ZNF544: variants seen among roughly 807,000 people sequenced by gnomAD.
The protein encoded by ZNF544 is zinc finger protein 544, also known as zinc finger protein AF020591.
In ZNF544, 10 loss-of-function variants were observed where a neutral mutation model predicts 13.5. The ratio of observed to expected loss-of-function variants is 0.74; its 90% CI spans 0.46 to 1.25. The LOEUF is 1.25. ZNF544 is among the 50% of genes most tolerant of loss of function. ZNF544 has a pLI of 0.00. For missense variants in ZNF544, 896 were observed against 845.6 expected (o/e 1.06, Z -0.74); for synonymous variants, 323 against 300.5 (o/e 1.07, Z -0.77).
intron 6 of ZNF544, chr19:58,257,521 C>G (rs936584693): frequency 6.6e-6 from 1 of 151,712 alleles, no homozygotes; most frequent in African/African-American, 2.4e-5. Context: ...AGATGTCTGA[C>G]TGGTTGCAGG....
intron 3 of ZNF544, among the ~76,000 whole-genome samples, chr19:58,232,914 T>C (rs1228501270): frequency 2.5e-5 from 3 of 120,844 alleles, no homozygotes; most frequent in African/African-American, 6.4e-5. Flanking sequence ...GCCACTGCAC[T>C]CCAGCCTGGG....
intron 3 of ZNF544, among the ~76,000 whole-genome samples, chr19:58,237,887 G>T (rs537428093): frequency 1.3e-5 from 2 of 152,162 alleles, no homozygotes; most frequent in Non-Finnish European, 2.9e-5. Flanking sequence ...TTGTGGGGCC[G>T]GGGAGCTGGA....
chr19:58,260,819 C>T, intron 6 of ZNF544, 32 bp from the exon 7 acceptor site: 1 of 1,526,606 alleles, frequency 6.6e-7, no homozygotes, highest in Non-Finnish European at 8.8e-7. Flanking sequence ...TGATGCTTCT[C>T]CAGTAACTTA....
chr19:58,239,427 C>T (rs1568457513), intron 3 of ZNF544, among the ~76,000 whole-genome samples: 1 of 152,320 alleles, frequency 6.6e-6, no homozygotes, highest in South Asian at 2.1e-4. Flanking sequence ...TTGAGGACCT[C>T]TGCTGTGAAG....
In ZNF544 at chr19:58,261,369, TC is replaced by T; in HGVS notation, c.765del (p.Ser256ProfsTer11). 6.2e-7 allele frequency: 1 copy of T among 1,614,180 alleles called. No homozygotes were observed. Among genetic ancestry groups the T allele is most frequent in the South Asian group, 1.1e-5 (1 of 91,084 alleles). On this transcript the variant is annotated frameshift_variant, in exon 7 of 7. Coordinates refer to ENST00000687789, the MANE Select transcript of ZNF544 (RefSeq NM_014480.4). LOFTEE classifies it low-confidence loss of function (END_TRUNC). ...CAGTGGTGACTCTCTCAACTATGGT[TC>T]CTCCCTTTGTTTTCATGGTAGAACT... ...IVSGDSLNYG[S>X]SLCFHGRTFS...
At chr19:58,239,294 T>A (rs770143419) in intron 3 of ZNF544, among the ~76,000 whole-genome samples, 2 of 152,210 alleles carry the variant, frequency 1.3e-5, no homozygotes, top group Non-Finnish European at 2.9e-5. Context: ...TCCTGGCCTC[T>A]GCCCACCAGA....
At chr19:58,255,504 A>G (rs1475653949) in intron 6 of ZNF544, among the ~76,000 whole-genome samples, 1 of 152,200 alleles carries the variant, frequency 6.6e-6, no homozygotes, top group Non-Finnish European at 1.5e-5. Flanking sequence ...TGTGAGATTC[A>G]GGGAAAGCAA....
At chr19:58,254,365 A>G (rs754582123) in intron 6 of ZNF544, among the ~76,000 whole-genome samples, 9 of 152,174 alleles carry the variant, frequency 5.9e-5, no homozygotes, top group Non-Finnish European at 1.3e-4. Flanking sequence ...TCCTCCTTAG[A>G]TTATCAGGGT....
At chr19:58,264,092 CA>C (rs34001424), downstream of ZNF544, 1,969 of 134,896 alleles carry the variant, frequency 0.015, 36 homozygotes, top group African/African-American at 0.045. Flanking sequence ...AAGACTGTCT[CA>C]AAAAAAAAAA....
At chr19:58,273,471 A>ATATC (rs1312463864) in intron 5 of ZNF544, among the ~76,000 whole-genome samples, 2 of 152,078 alleles carry the variant, frequency 1.3e-5, no homozygotes, top group Non-Finnish European at 2.9e-5. Flanking sequence ...TGGGCGGATC[A>ATATC]CCAGGTCAGG....
chr19:58,234,154 C>T (rs1246440366), intron 3 of ZNF544, among the ~76,000 whole-genome samples: 1 of 152,204 alleles, frequency 6.6e-6, no homozygotes, highest in African/African-American at 2.4e-5. Flanking sequence ...CCAGCAATGC[C>T]TTCTCTCTCT....
chr19:58,262,423 G>A lies in ZNF544; in HGVS notation c.1817G>A (p.Cys606Tyr). The change falls in exon 7 of 7, where the codon TGT (cysteine) becomes TAT (tyrosine). Residue 606 changes from cysteine to tyrosine, a missense_variant. Cys to Tyr is a radical substitution (Grantham distance 194). Transcript: ENST00000687789. ...RTHTGEKPYECNECGKAFNRS... is the reference protein window; with the variant it reads ...RTHTGEKPYEYNECGKAFNRS... ...CACACTGGAGAAAAGCCCTATGAAT[G>A]TAACGAGTGTGGAAAAGCCTTCAAT... is the stretch of plus-strand genomic sequence containing the variant. 1 of 1,614,222 alleles carries A rather than the reference G, an allele frequency of 6.2e-7. No individual in the cohort carries two copies. The highest frequency in any genetic ancestry group is 1.3e-5 in the African/African-American group (1 of 75,066).
downstream of ZNF544, among the ~76,000 whole-genome samples, chr19:58,264,318 A>C (rs2049552650): frequency 1.4e-5 from 2 of 145,254 alleles, no homozygotes; most frequent in African/African-American, 5.1e-5. Context: ...TGGGAGGCAG[A>C]GGTTGCAGTG....
chr19:58,240,612 A>T (rs1162314970), intron 3 of ZNF544, among the ~76,000 whole-genome samples: 1 of 152,070 alleles, frequency 6.6e-6, no homozygotes, highest in African/African-American at 2.4e-5. Flanking sequence ...AAATACAAAA[A>T]TTAGCTGGGC....
At chr19:58,264,793 G>A (rs1838299391), downstream of ZNF544, among the ~76,000 whole-genome samples, 1 of 152,144 alleles carries the variant, frequency 6.6e-6, no homozygotes, top group Admixed American at 6.5e-5. Context: ...GATCACTTGA[G>A]CCCAGTAGAT....
intron 3 of ZNF544, among the ~76,000 whole-genome samples, chr19:58,240,040 A>C (rs990331499): frequency 2.6e-5 from 4 of 152,170 alleles, no homozygotes; most frequent in African/African-American, 9.6e-5. Context: ...CATGTGGACC[A>C]GGAAGCTCAC....
At position 58,273,125 on chromosome 19, in the gene ZNF544, A is replaced by G. The variant is rs188504240; in HGVS notation, c.245-3198A>G. ...GAACCCAGGAGGCGGAGGTTGCAGT[A>G]AGCCAAGATCGCACCATTGTACTCC... On this transcript the variant is annotated intron_variant, in intron 5 of 6. Coordinates refer to the ZNF544 transcript ENST00000595981. 4.4e-4 allele frequency among the ~76,000 whole-genome samples: 67 copies of G among 150,840 alleles called. 2 individuals are homozygous for G. Among genetic ancestry groups the G allele is most frequent in the South Asian group, 1.9e-3 (9 of 4,746 alleles).
At chr19:58,272,086 G>A (rs927536919) in intron 5 of ZNF544, among the ~76,000 whole-genome samples, 19 of 151,690 alleles carry the variant, frequency 1.3e-4, no homozygotes, top group Non-Finnish European at 4.4e-5. Flanking sequence ...GCTGGAACCC[G>A]GGAGTTGGAG....
downstream of ZNF544, chr19:58,266,571 G>A (rs11666477): frequency 0.31 from 45,164 of 145,538 alleles, 7,482 homozygotes; most frequent in Middle Eastern, 0.45. Flanking sequence ...GAAACATACA[G>A]AATGAGGAAG....
Sources: allele counts gnomAD v4.1 joint callset (sites outside exome capture counted in the v4.1 genomes callset), GRCh38; gene constraint gnomAD v4.1.1; transcripts MANE v1.5; gene names NCBI Gene and HGNC (gene_info 2026-07-23, HGNC 2026-07-21).